The following TSPAN14 variants were observed in gnomAD, a reference collection of about 807,000 sequenced individuals.
TSPAN14 encodes the protein tetraspanin-14.
TSPAN14 carries 16 observed loss-of-function variants against 36.6 expected under a neutral mutation model. That is an observed-to-expected ratio of 0.44 (90% confidence interval 0.30 to 0.66). TSPAN14 has a LOEUF of 0.66. Among genes scored for constraint, TSPAN14 ranks in the 30% least tolerant of loss-of-function variants. TSPAN14 has a pLI of 0.12. For missense variants in TSPAN14, 231 were observed against 355.1 expected (o/e 0.65, Z 2.81); for synonymous variants, 139 against 143.8 (o/e 0.97, Z 0.24).
At chr10:80,460,631 TGTAA>T (rs1034917898) in intron 1 of TSPAN14, among the ~76,000 whole-genome samples, 1 of 152,280 alleles carries the variant, frequency 6.6e-6, no homozygotes, top group Non-Finnish European at 1.5e-5. Flanking sequence ...TGTCCCTTCT[TGTAA>T]GTGTCACTCT....
intron 2 of TSPAN14, among the ~76,000 whole-genome samples, chr10:80,496,051 C>G (rs1368259154): frequency 6.6e-6 from 1 of 152,050 alleles, no homozygotes; most frequent in Non-Finnish European, 1.5e-5. Flanking sequence ...TTTTTAATTA[C>G]TTTTTAAAAA....
chr10:80,520,399 C>T, exon 9 of TSPAN14: 1 of 404,730 alleles, frequency 2.5e-6, no homozygotes, highest in Non-Finnish European at 4.9e-6. Flanking sequence ...CAGTCTCCGC[C>T]CAGCATCGGC....
exon 9 of TSPAN14, chr10:80,520,644 A>G (rs775304103): frequency 1.9e-6 from 1 of 533,050 alleles, no homozygotes; most frequent in Non-Finnish European, 3.8e-6. Flanking sequence ...CCGTCTTCCT[A>G]TCGCTGGCCT....
At chr10:80,500,117 G>A (rs1391099016) in intron 2 of TSPAN14, among the ~76,000 whole-genome samples, 1 of 152,086 alleles carries the variant, frequency 6.6e-6, no homozygotes, top group Admixed American at 6.5e-5. Context: ...CTCTCAGGCA[G>A]ATCACTTCCC....
At chr10:80,512,605 G>A (rs1356465359) in intron 6 of TSPAN14, among the ~76,000 whole-genome samples, 1 of 152,202 alleles carries the variant, frequency 6.6e-6, no homozygotes, top group African/African-American at 2.4e-5. Context: ...TTTTTCTGGA[G>A]CAGATTCCTA....
Position 80,499,498 on chromosome 10 carries a change from C to G in TSPAN14, c.82-5230C>G, listed in dbSNP as rs185556644. ...TAGAGCTGCACAACCCCAAAGCCCC[C>G]CTGTGGAATTCCTACATCCCCGGGC... On this transcript the variant is annotated intron_variant, in intron 2 of 8. Transcript: ENST00000429989. Among the ~76,000 whole-genome samples the G allele has an allele frequency of 4.0e-3, 606 of 152,302 alleles. 2 individuals are homozygous for G. The highest frequency in any genetic ancestry group is 3.7e-3 in the Non-Finnish European group (252 of 68,040).
chr10:80,516,204 C>T lies in TSPAN14; in HGVS notation c.622C>T (p.Leu208=), dbSNP rs138384214. ...AGACCCCTGTGGTGTTTTCCTGCAG[C>T]TGAAGAGCAAGTGGGATGAGTCCAT... is the stretch of plus-strand genomic sequence containing the variant. Residue 208 remains leucine, a splice_region_variant and synonymous_variant, in exon 8 of 9, where the codon CTG becomes TTG. Coordinates refer to ENST00000429989, the Ensembl canonical transcript of TSPAN14. 3 of 1,614,108 alleles carry T rather than the reference C, an allele frequency of 1.9e-6. No individual in the cohort carries two copies. In the African/African-American group the frequency reaches 4.0e-5, roughly 22 times the overall value.
intron 1 of TSPAN14, among the ~76,000 whole-genome samples, chr10:80,470,924 T>C (rs1271157091): frequency 6.6e-6 from 1 of 152,234 alleles, no homozygotes; most frequent in Admixed American, 6.5e-5. Flanking sequence ...AGTTGCCTGC[T>C]GCCAGGTCGG....
chr10:80,505,208 T>TG (rs900685133), intron 3 of TSPAN14, among the ~76,000 whole-genome samples: 11 of 152,082 alleles, frequency 7.2e-5, no homozygotes, highest in African/African-American at 2.2e-4. Flanking sequence ...GGGTGCCCTG[T>TG]GGGGCAGGGG....
At chr10:80,505,376 G>C (rs944430914) in intron 3 of TSPAN14, among the ~76,000 whole-genome samples, 1 of 152,112 alleles carries the variant, frequency 6.6e-6, no homozygotes, top group African/African-American at 2.4e-5. Context: ...GCTGCTGCTT[G>C]TTGCCCTGTG....
At chr10:80,458,843 C>T (rs186490980) in intron 1 of TSPAN14, among the ~76,000 whole-genome samples, 16 of 151,932 alleles carry the variant, frequency 1.1e-4, no homozygotes, top group East Asian at 1.9e-4. Flanking sequence ...TGTCCAGTGC[C>T]GCTCTCAATT....
chr10:80,470,151 T>A (rs1245154725), intron 1 of TSPAN14, among the ~76,000 whole-genome samples: 2 of 152,242 alleles, frequency 1.3e-5, no homozygotes, highest in Admixed American at 1.3e-4. Flanking sequence ...AATGGTGCGT[T>A]CTCAGCTCAC....
chr10:80,464,956 A>C (rs1000972976), intron 1 of TSPAN14, among the ~76,000 whole-genome samples: 54 of 152,276 alleles, frequency 3.5e-4, no homozygotes, highest in African/African-American at 1.3e-3. Context: ...CTTTATGCTT[A>C]ATAGAGGTCC....
At position 80,510,645 on chromosome 10, in the gene TSPAN14, C is replaced by T. The variant is rs182686174; in HGVS notation, c.450+1174C>T. Among the ~76,000 whole-genome samples, 56 of 152,250 alleles carry T rather than the reference C, an allele frequency of 3.7e-4. 1 individual carries two copies. The highest frequency in any genetic ancestry group is 1.0e-3 in the African/African-American group (43 of 41,544). ...ATCCCAGCACTTTGGGAGGCTGAGGCGGGTGGATCACAAGGTCAGGAGATC... is the reference window on the plus strand; with the variant it reads ...ATCCCAGCACTTTGGGAGGCTGAGGTGGGTGGATCACAAGGTCAGGAGATC... On this transcript the variant is annotated intron_variant, in intron 5 of 8. Coordinates refer to ENST00000429989, the Ensembl canonical transcript of TSPAN14.
chr10:80,498,110 G>A (rs1848294111), intron 2 of TSPAN14, among the ~76,000 whole-genome samples: 2 of 152,162 alleles, frequency 1.3e-5, no homozygotes, highest in South Asian at 4.1e-4. Context: ...GGCCAGGTTG[G>A]GTCTGGGGTC....
intron 2 of TSPAN14, among the ~76,000 whole-genome samples, chr10:80,499,436 G>A (rs956822717): frequency 6.6e-6 from 1 of 152,172 alleles, no homozygotes; most frequent in South Asian, 2.1e-4. Context: ...GGGACACAGC[G>A]TGGTCTCACT....
intron 1 of TSPAN14, among the ~76,000 whole-genome samples, chr10:80,480,398 A>G (rs1319738924): frequency 6.6e-5 from 10 of 152,230 alleles, no homozygotes; most frequent in Non-Finnish European, 1.3e-4. Context: ...TAGAACTAGA[A>G]ATACCATTTG....
intron 2 of TSPAN14, among the ~76,000 whole-genome samples, chr10:80,497,795 T>C (rs576849214): frequency 3.3e-5 from 5 of 152,320 alleles, no homozygotes; most frequent in Non-Finnish European, 7.3e-5. Context: ...TGGAGCCCTC[T>C]GCACAGTCCT....
chr10:80,514,466 G>A (rs1295954798), intron 7 of TSPAN14, among the ~76,000 whole-genome samples: 1 of 152,160 alleles, frequency 6.6e-6, no homozygotes, highest in Non-Finnish European at 1.5e-5. Context: ...GTGACAAAGA[G>A]GGAGGCAGGC....
Sources: allele counts gnomAD v4.1 joint callset (sites outside exome capture counted in the v4.1 genomes callset), GRCh38; gene constraint gnomAD v4.1.1; transcripts MANE v1.5; gene names NCBI Gene and HGNC (gene_info 2026-07-23, HGNC 2026-07-21).